The following MCC variants were observed in gnomAD, a reference collection of about 807,000 sequenced individuals.
MCC encodes colorectal mutant cancer protein.
Under a neutral mutation model 116.2 loss-of-function variants are expected in MCC, and 90 were observed. The ratio of observed to expected loss-of-function variants is 0.77; its 90% CI spans 0.65 to 0.92. The LOEUF (loss-of-function observed/expected upper bound fraction) is 0.92, where lower values mean the gene tolerates loss of function less well. Ranked by LOEUF, MCC falls within the 40% of genes least tolerant of loss-of-function variation. The pLI is 0.00. For missense variants in MCC, 1,516 were observed against 1,312.2 expected, an observed-to-expected ratio of 1.16 and a Z score of -2.40; for synonymous variants, 578 against 510.5, an observed-to-expected ratio of 1.13 and a Z score of -1.78.
At chr5:113,445,630 T>A (rs1036828959) in intron 1 of MCC, among the ~76,000 whole-genome samples, 1 of 152,092 alleles carries the variant, frequency 6.6e-6, no homozygotes, top group African/African-American at 2.4e-5. Context: ...TGCTCATGGA[T>A]TGGAAAAATC....
chr5:113,152,948 GAC>G lies in MCC; in HGVS notation c.628-1528_628-1527del, dbSNP rs564114676. Reference sequence around the variant, plus strand: ...GGGTTTCAGATACAACGTTTTGTGTGACGACTTCTCAGTACAAATACCACAGT... The same window carrying G: ...GGGTTTCAGATACAACGTTTTGTGTGGACTTCTCAGTACAAATACCACAGT... On this transcript the variant is annotated intron_variant, in intron 3 of 18. Transcript: ENST00000408903. 5.3e-5 allele frequency among the ~76,000 whole-genome samples: 8 copies of G among 152,286 alleles called. No homozygotes were observed. The South Asian group carries it at 1.7e-3, about 32-fold the overall frequency.
intron 1 of MCC, among the ~76,000 whole-genome samples, chr5:113,432,315 T>C (rs1485847729): frequency 1.7e-5 from 2 of 118,404 alleles, no homozygotes; most frequent in East Asian, 4.6e-4. Flanking sequence ...AGCGAGACTC[T>C]GTCTCAAAAA....
At chr5:113,471,695 C>G (rs1207108833) in intron 1 of MCC, among the ~76,000 whole-genome samples, 2 of 150,450 alleles carry the variant, frequency 1.3e-5, no homozygotes, top group African/African-American at 4.9e-5. Flanking sequence ...CTCTTCAAAG[C>G]TGTCAGAGAG....
chr5:113,119,770 C>T (rs4078252), intron 6 of MCC, among the ~76,000 whole-genome samples: 39,720 of 152,110 alleles, frequency 0.26, 6,013 homozygotes, highest in South Asian at 0.39. Context: ...GGTCACTCCC[C>T]TCCAGGAACT....
intron 11 of MCC, among the ~76,000 whole-genome samples, chr5:113,079,382 G>A (rs559079388): frequency 1.3e-5 from 2 of 152,278 alleles, no homozygotes; most frequent in African/African-American, 4.8e-5. Context: ...AAAGCTGGAG[G>A]CATCATGCTA....
intron 1 of MCC, among the ~76,000 whole-genome samples, chr5:113,438,673 T>A (rs1770940382): frequency 6.6e-6 from 1 of 152,196 alleles, no homozygotes; most frequent in East Asian, 1.9e-4. Context: ...TACCTTAGAA[T>A]ATCCCAGACG....
At chr5:113,166,723 C>A (rs4705799) in intron 3 of MCC, among the ~76,000 whole-genome samples, 115,794 of 136,500 alleles carry the variant, frequency 0.85, 48,066 homozygotes, top group Admixed American at 0.9. Flanking sequence ...AAAAAAAAAA[C>A]AACCAAAAAA....
intron 3 of MCC, among the ~76,000 whole-genome samples, chr5:113,248,844 T>TTTTTTTTTTTC (rs1178639925): frequency 6.7e-6 from 1 of 148,870 alleles, no homozygotes; most frequent in Admixed American, 7.0e-5. Flanking sequence ...TTTTTTTTTT[T>TTTTTTTTTTTC]TGAGATGGAG....
At chr5:113,353,422 G>GTCATTTTATT (rs1768331500) in intron 2 of MCC, among the ~76,000 whole-genome samples, 1 of 152,052 alleles carries the variant, frequency 6.6e-6, no homozygotes. Flanking sequence ...GTCATTTTAT[G>GTCATTTTATT]TCATTTTATT....
intron 3 of MCC, among the ~76,000 whole-genome samples, chr5:113,254,743 TATTGGA>T (rs1764943445): frequency 6.6e-6 from 1 of 152,194 alleles, no homozygotes; most frequent in African/African-American, 2.4e-5. Flanking sequence ...GAGGGAGTGG[TATTGGA>T]GCCTCTGGAT....
chr5:113,289,391 C>T (rs1766396767), intron 3 of MCC, among the ~76,000 whole-genome samples: 1 of 151,576 alleles, frequency 6.6e-6, no homozygotes, highest in African/African-American at 2.4e-5. Flanking sequence ...AAGGCTCTGT[C>T]ATTTTGTGGC....
At position 113,385,209 on chromosome 5, in the gene MCC, A is replaced by C. The variant is rs549546853; in HGVS notation, c.174T>G (p.Asn58Lys). The C allele has an allele frequency of 9.0e-5, 145 of 1,613,610 alleles. No individual in the cohort carries two copies. The highest frequency in any genetic ancestry group is 1.2e-4 in the Non-Finnish European group (140 of 1,179,608). The stretch of plus-strand genomic sequence containing the variant: ...GCTGGCGACAGACCATTAGCAAGTC[A>C]TTTCTGCAGAAGGGGTTGAACAGAA... ...DGDGDGYISR[N>K]DLLMVCRQLN... The change falls in exon 2 of 19, where the codon AAT becomes AAG. Residue 58 changes from asparagine (N) to lysine (K), a missense_variant. Coordinates refer to ENST00000408903, the MANE Select transcript of MCC (RefSeq NM_001085377.2).
chr5:113,282,264 T>C (rs1210765954), intron 3 of MCC, among the ~76,000 whole-genome samples: 1 of 152,184 alleles, frequency 6.6e-6, no homozygotes, highest in Non-Finnish European at 1.5e-5. Context: ...CTGACCCCAA[T>C]ATGTCATCAC....
chr5:113,365,767 G>A (rs978153627), intron 2 of MCC, among the ~76,000 whole-genome samples: 1 of 152,210 alleles, frequency 6.6e-6, no homozygotes, highest in African/African-American at 2.4e-5. Context: ...GAGGCCTCAG[G>A]AAACTTAGAA....
chr5:113,134,697 A>G (rs982558049), intron 5 of MCC, among the ~76,000 whole-genome samples: 1 of 150,160 alleles, frequency 6.7e-6, no homozygotes, highest in Non-Finnish European at 1.5e-5. Context: ...TTAACATTTT[A>G]ACCCATTTGT....
At chr5:113,233,818 T>C (rs1764028040) in intron 3 of MCC, among the ~76,000 whole-genome samples, 1 of 152,210 alleles carries the variant, frequency 6.6e-6, no homozygotes, top group Non-Finnish European at 1.5e-5. Context: ...CTAACAACTA[T>C]GAAATTTTGT....
intron 6 of MCC, among the ~76,000 whole-genome samples, chr5:113,105,507 C>A (rs1756677290): frequency 6.6e-6 from 1 of 152,210 alleles, no homozygotes; most frequent in South Asian, 2.1e-4. Context: ...CTACCTACTT[C>A]TCAAACCTGT....
chr5:113,079,961 A>C (rs1232180970), intron 11 of MCC, among the ~76,000 whole-genome samples: 1 of 152,210 alleles, frequency 6.6e-6, no homozygotes, highest in African/African-American at 2.4e-5. Flanking sequence ...TACAAGACAA[A>C]ATCAAACAAC....
At chr5:113,333,844 T>TACATATGTAC (rs368087327) in intron 3 of MCC, among the ~76,000 whole-genome samples, 5 of 52,166 alleles carry the variant, frequency 9.6e-5, no homozygotes, top group African/African-American at 3.1e-4. Context: ...TGTATATATG[T>TACATATGTAC]ATATATGTAC....
Sources: allele counts gnomAD v4.1 joint callset (sites outside exome capture counted in the v4.1 genomes callset), GRCh38; gene constraint gnomAD v4.1.1; transcripts MANE v1.5; gene names NCBI Gene and HGNC (gene_info 2026-07-23, HGNC 2026-07-21).